CD226: variants seen among roughly 807,000 people sequenced by gnomAD.
The protein encoded by CD226 is CD226 molecule, also known as CD226 antigen.
In CD226, 24 loss-of-function variants were observed where a neutral mutation model predicts 34.9. The ratio of observed to expected loss-of-function variants is 0.69; its 90% CI spans 0.50 to 0.97. The LOEUF (loss-of-function observed/expected upper bound fraction) is 0.97, where lower values mean the gene tolerates loss of function less well. Among genes scored for constraint, CD226 ranks in the 50% least tolerant of loss-of-function variants. The pLI, the probability that CD226 is intolerant of heterozygous loss-of-function variation, is 0.00. For synonymous variants in CD226, 148 were observed against 147.4 expected, an observed-to-expected ratio of 1.00 and a Z score of -0.03; for missense variants, 397 against 412.7, an observed-to-expected ratio of 0.96 and a Z score of 0.33.
intron 2 of CD226, among the ~76,000 whole-genome samples, chr18:69,942,109 C>T (rs537779912): frequency 5.3e-5 from 8 of 152,274 alleles, no homozygotes; most frequent in East Asian, 1.9e-4. Context: ...TTTCCTGAGG[C>T]CTCCCCAGCC....
At chr18:69,864,542 C>G (rs1599367839) in intron 5 of CD226, 103 bp from the exon 6 acceptor site, 1 of 1,096,274 alleles carries the variant, frequency 9.1e-7, no homozygotes, top group Non-Finnish European at 1.3e-6. Flanking sequence ...TGATATGGGA[C>G]AAGTTTCCAT....
chr18:69,871,188 A>G (rs1983499205), intron 4 of CD226, among the ~76,000 whole-genome samples: 1 of 152,134 alleles, frequency 6.6e-6, no homozygotes, highest in Non-Finnish European at 1.5e-5. Context: ...CCCGGTTCCC[A>G]TGTGCTCCCT....
chr18:69,870,513 G>C (rs1275029871), intron 4 of CD226, among the ~76,000 whole-genome samples: 1 of 151,954 alleles, frequency 6.6e-6, no homozygotes, highest in African/African-American at 2.4e-5. Flanking sequence ...GACCTCAAAT[G>C]ATCCACCCAC....
chr18:69,907,156 G>A (rs180998022), intron 2 of CD226, among the ~76,000 whole-genome samples: 12 of 152,230 alleles, frequency 7.9e-5, no homozygotes, highest in Admixed American at 5.9e-4. Flanking sequence ...GTTTCCCTGC[G>A]AACACTTCCT....
At chr18:69,939,375 A>G (rs889256516) in intron 2 of CD226, among the ~76,000 whole-genome samples, 36 of 152,124 alleles carry the variant, frequency 2.4e-4, no homozygotes, top group African/African-American at 8.4e-4. Flanking sequence ...TTTTTTGGTA[A>G]CTTGCTCTTT....
intron 2 of CD226, among the ~76,000 whole-genome samples, chr18:69,939,491 G>T (rs1337309351): frequency 2.0e-5 from 3 of 152,134 alleles, no homozygotes; most frequent in African/African-American, 7.2e-5. Flanking sequence ...ACCTCAGTGT[G>T]CTTTTCGGTT....
upstream of CD226, among the ~76,000 whole-genome samples, chr18:69,960,563 C>T (rs996449083): frequency 1.3e-5 from 2 of 152,306 alleles, no homozygotes; most frequent in Non-Finnish European, 2.9e-5. Context: ...GATTCTCCTG[C>T]CTCAGCCTCC....
chr18:69,911,456 T>C (rs905290975), intron 2 of CD226, among the ~76,000 whole-genome samples: 13 of 152,086 alleles, frequency 8.5e-5, no homozygotes, highest in African/African-American at 3.1e-4. Flanking sequence ...AAATTGAAAA[T>C]AAACCCTAAA....
chr18:69,909,449 C>T (rs1366720235), intron 2 of CD226, among the ~76,000 whole-genome samples: 3 of 152,318 alleles, frequency 2.0e-5, no homozygotes, highest in Non-Finnish European at 4.4e-5. Flanking sequence ...CTCCAAAGAG[C>T]TCCAGGTGCT....
rs1025455531 is a variant in CD226 at position 69,896,181 on chromosome 18, C to T, written c.383-136G>A. ...CGTTGTGAATGACCTCTTTATACTA[C>T]TTTTTTTTTTTTTTTCCTGAGACGG... On this transcript the variant is annotated intron_variant, in intron 2 of 5. Coordinates refer to ENST00000582621, the MANE Select transcript of CD226 (RefSeq NM_001303618.2). The T allele has an allele frequency of 5.6e-5, 67 of 1,206,746 alleles. No homozygotes were observed. The African/African-American group carries it at 7.4e-4, about 13-fold the overall frequency. The allele number at this position is 1,206,746 out of a possible 1,614,324, so 74.8% of individuals were successfully genotyped here.
At chr18:69,915,434 G>T (rs551420957) in intron 2 of CD226, among the ~76,000 whole-genome samples, 5 of 152,256 alleles carry the variant, frequency 3.3e-5, no homozygotes, top group African/African-American at 1.2e-4. Context: ...AAGCAAAGAT[G>T]AAATGGAGAA....
Position 69,862,687 on chromosome 18 carries a change from A to G in CD226, c.*1627T>C, listed in dbSNP as rs940260399. On this transcript the variant is annotated 3_prime_UTR_variant, in exon 6 of 6. Coordinates refer to ENST00000582621, the MANE Select transcript of CD226 (RefSeq NM_001303618.2). Reference sequence around the variant, plus strand: ...TTTCTGTAATTCACAAAACAAGTGCATTATTTGGCATACATGGTGTTTAAG... The same window carrying G: ...TTTCTGTAATTCACAAAACAAGTGCGTTATTTGGCATACATGGTGTTTAAG... 4 of 151,956 alleles carry G rather than the reference A, an allele frequency of 2.6e-5. No homozygotes were observed. The highest frequency in any genetic ancestry group is 9.7e-5 in the African/African-American group (4 of 41,416). 9.4% of individuals were successfully genotyped at this position (151,956 alleles called of 1,614,324 possible). A position where few individuals can be genotyped will look rare whatever the true frequency, so the allele number is the denominator to read the frequency against.
intron 2 of CD226, among the ~76,000 whole-genome samples, chr18:69,905,879 T>G (rs1421888463): frequency 6.6e-6 from 1 of 152,210 alleles, no homozygotes; most frequent in Non-Finnish European, 1.5e-5. Flanking sequence ...TGCCCGACGG[T>G]GCTCACCAAG....
chr18:69,921,053 A>G (rs541087473), intron 2 of CD226, among the ~76,000 whole-genome samples: 2 of 152,330 alleles, frequency 1.3e-5, no homozygotes, highest in African/African-American at 4.8e-5. Context: ...CGAGGCAATG[A>G]AAACTTATAC....
chr18:69,866,750 T>C (rs1983171479), intron 5 of CD226, among the ~76,000 whole-genome samples: 1 of 152,126 alleles, frequency 6.6e-6, no homozygotes, highest in South Asian at 2.1e-4. Context: ...TGTAATTAGC[T>C]AAGCTCAAAC....
chr18:69,948,860 T>C (rs2055822457), upstream of CD226, among the ~76,000 whole-genome samples: 1 of 152,242 alleles, frequency 6.6e-6, no homozygotes, highest in East Asian at 1.9e-4. Context: ...AGGTTATGCA[T>C]AATATAGTGG....
At chr18:69,946,708 T>TAAAAAAAA in intron 2 of CD226, 26 bp downstream of exon 2, 1 of 1,238,344 alleles carries the variant, frequency 8.1e-7, no homozygotes, top group Non-Finnish European at 1.1e-6. Flanking sequence ...AAAAGGGATT[T>TAAAAAAAA]AAAAAAAAAA....
intron 2 of CD226, among the ~76,000 whole-genome samples, chr18:69,924,619 C>T (rs1488067973): frequency 7.9e-6 from 1 of 126,948 alleles, no homozygotes; most frequent in East Asian, 2.6e-4. Context: ...TCTAAAGGGC[C>T]AAGTGCTTCA....
chr18:69,880,359 AG>A (rs1474956883), intron 3 of CD226, among the ~76,000 whole-genome samples: 5 of 65,738 alleles, frequency 7.6e-5, no homozygotes, highest in South Asian at 7.2e-4. Context: ...AAAGAAAGAA[AG>A]GAAGGAAGGA....
Sources: gnomAD v4.1 joint callset for allele counts (sites outside exome capture counted in the v4.1 genomes callset) on GRCh38, gnomAD v4.1.1 for gene constraint, MANE v1.5 for transcripts, NCBI Gene and HGNC (gene_info 2026-07-23, HGNC 2026-07-21) for gene names.